The following CYP3A4 variants were observed in gnomAD, a reference collection of about 807,000 sequenced individuals.
The protein encoded by CYP3A4 is cytochrome P450 family 3 subfamily A member 4.
In CYP3A4, 41 loss-of-function variants were observed where a neutral mutation model predicts 54.9. That is an observed-to-expected ratio of 0.75 (90% CI 0.58 to 0.97). The LOEUF (loss-of-function observed/expected upper bound fraction) is 0.97. Ranked by LOEUF, CYP3A4 falls within the 50% of genes least tolerant of loss-of-function variation. The probability of loss-of-function intolerance (pLI) is 0.00; values close to 1 mark genes in which losing one functional copy is unlikely to be tolerated. For missense variants in CYP3A4, 510 were observed against 597.3 expected (o/e 0.85, Z 1.52); for synonymous variants, 179 against 205.2 (o/e 0.87, Z 1.09).
chr7:99,760,457 G>C (rs971162926), intron 12 of CYP3A4, among the ~76,000 whole-genome samples: 4 of 152,274 alleles, frequency 2.6e-5, no homozygotes, highest in African/African-American at 9.6e-5. Flanking sequence ...CCAAGTTCTG[G>C]TTGGGAAGAG....
In CYP3A4 at chr7:99,770,247, A is replaced by T. The variant is rs762660414; in HGVS notation, c.319-12T>A. Reference sequence around the variant, plus strand: ...ACTGGACCAAAAGGCTAGAGTTCAAAGCAGAAACATTTTGTCCTACATCAG... The same window carrying T: ...ACTGGACCAAAAGGCTAGAGTTCAATGCAGAAACATTTTGTCCTACATCAG... On this transcript the variant is annotated splice_polypyrimidine_tract_variant and intron_variant, in intron 4 of 12. Transcript: ENST00000651514. 1.8e-5 allele frequency: 28 copies of T among 1,599,554 alleles called. No individual in the cohort carries two copies. Among genetic ancestry groups the T allele is most frequent in the Non-Finnish European group, 2.3e-5 (27 of 1,167,102 alleles).
chr7:99,766,353 A>G (rs1461247279), intron 9 of CYP3A4, 24 bp downstream of exon 9: 2 of 1,611,708 alleles, frequency 1.2e-6, no homozygotes, highest in Admixed American at 1.7e-5. Flanking sequence ...CCCCACAAGT[A>G]GCCCTCAGAA....
Position 99,778,056 on chromosome 7 carries a change from A to T in CYP3A4, c.190T>A (p.Cys64Ser), listed in dbSNP as rs912646349. The T allele has an allele frequency of 3.7e-6, 6 of 1,612,852 alleles. No homozygotes were observed. The highest frequency in any genetic ancestry group is 5.1e-6 in the Non-Finnish European group (6 of 1,179,280). Residue 64 changes from cysteine (C) to serine (S), a missense_variant, in exon 3 of 13, where the codon TGT (cysteine) becomes AGT (serine). Physicochemically the swap from Cys to Ser is moderately radical, Grantham distance 112. This residue lies in a region of CYP3A4 where 272 missense variants were observed against 274.9 expected (regional missense o/e 0.99). Coordinates refer to ENST00000651514, the MANE Select transcript of CYP3A4 (RefSeq NM_017460.6). ...CACACTTTTCCATACTTTTTATGAC[A>T]TTCCATGTCAAACATACAAAAGCCC... ...HKGFCMFDME[C>S]HKKYGKVWGF...
chr7:99,766,585 G>A, intron 8 of CYP3A4, 142 bp from the exon 9 acceptor site: 2 of 988,362 alleles, frequency 2.0e-6, no homozygotes. Context: ...TGAATCACCA[G>A]TGAAAAACAT....
chr7:99,769,910 G>A, intron 5 of CYP3A4, 54 bp from the exon 6 acceptor site: 1 of 1,612,414 alleles, frequency 6.2e-7, no homozygotes. Flanking sequence ...TCTAGTCCCA[G>A]AAGGACATGG....
intron 10 of CYP3A4, 118 bp downstream of exon 10, chr7:99,763,737 G>C (rs1435695234): frequency 2.3e-6 from 3 of 1,330,286 alleles, no homozygotes; most frequent in Admixed American, 2.4e-5. Context: ...TTCCTACATA[G>C]AGTCAGTGAA....
chr7:99,776,520 CA>C (rs948259317), intron 3 of CYP3A4, among the ~76,000 whole-genome samples: 9 of 152,188 alleles, frequency 5.9e-5, no homozygotes, highest in Non-Finnish European at 1.0e-4. Context: ...CATAAAAAAA[CA>C]ATGAGTTCAT....
At position 99,778,085 on chromosome 7, in the gene CYP3A4, G is replaced by A. The variant is rs1333632870; in HGVS notation, c.166-5C>T. ...CATGTCAAACATACAAAAGCCCTGG[G>A]AGGAGAAACAAAATAATATTTGATT... On this transcript the variant is annotated splice_polypyrimidine_tract_variant and splice_region_variant and intron_variant, in intron 2 of 12. Transcript: ENST00000651514. 1.2e-6 allele frequency: 2 copies of A among 1,608,836 alleles called. No individual in the cohort carries two copies. The highest frequency in any genetic ancestry group is 1.7e-6 in the Non-Finnish European group (2 of 1,175,650).
Position 99,763,937 on chromosome 7 carries a change from G to A in CYP3A4, c.944C>T (p.Ser315Phe), listed in dbSNP as rs770129614. ...AGTGGCCAGTTCATACATAATGAAG[G>A]AGAGAACACTGCTCGTGGTTTCATA... ...AGYETTSSVL[S>F]FIMYELATHP... is the part of the protein sequence containing the mutation. The change falls in exon 10 of 13, where the codon TCC becomes TTC. Residue 315 changes from serine to phenylalanine, a missense_variant. Around this residue, in one of 2 missense-constraint regions of CYP3A4, gnomAD observed 238 missense variants for 322.5 expected, o/e 0.74. Transcript: ENST00000651514. The A allele has an allele frequency of 8.7e-6, 14 of 1,614,018 alleles. No homozygotes were observed. The highest frequency in any genetic ancestry group is 1.0e-5 in the Non-Finnish European group (12 of 1,179,970).
At chr7:99,779,725 C>T (rs1815866714) in intron 2 of CYP3A4, among the ~76,000 whole-genome samples, 1 of 152,166 alleles carries the variant, frequency 6.6e-6, no homozygotes, top group Admixed American at 6.5e-5. Context: ...CTTTATGGCG[C>T]TCACAAAGTT....
At chr7:99,770,363 T>G in intron 4 of CYP3A4, 128 bp from the exon 5 acceptor site, 29 of 779,778 alleles carry the variant, frequency 3.7e-5, no homozygotes, top group Non-Finnish European at 4.5e-5. Context: ...TGATGGGCCC[T>G]ATGCTAGATG....
chr7:99,772,449 T>C, intron 4 of CYP3A4, 141 bp downstream of exon 4: 1 of 954,812 alleles, frequency 1.0e-6, no homozygotes, highest in Non-Finnish European at 1.6e-6. Context: ...GATTGCAAGA[T>C]GTTACCATTC....
chr7:99,775,361 C>T (rs1207082672), intron 3 of CYP3A4, among the ~76,000 whole-genome samples: 1 of 151,916 alleles, frequency 6.6e-6, no homozygotes, highest in Non-Finnish European at 1.5e-5. Flanking sequence ...CATATGGAAC[C>T]AAAAAAGAGC....
At position 99,781,926 on chromosome 7, in the gene CYP3A4, G is replaced by C. The variant is rs182639078; in HGVS notation, c.72-1841C>G. Among the ~76,000 whole-genome samples the C allele has an allele frequency of 2.1e-3, 325 of 152,368 alleles. 1 individual carries two copies. Among genetic ancestry groups the C allele is most frequent in the South Asian group, 4.3e-3 (21 of 4,828 alleles). On this transcript the variant is annotated intron_variant, in intron 1 of 12. Coordinates refer to ENST00000651514, the MANE Select transcript of CYP3A4 (RefSeq NM_017460.6). The stretch of plus-strand genomic sequence containing the variant: ...AATATTCTGTACAAATCCGGTGACT[G>C]TGATAATATGTGGTAAAATACAACT...
chr7:99,778,515 G>A (rs557231204), intron 2 of CYP3A4, among the ~76,000 whole-genome samples: 2 of 152,142 alleles, frequency 1.3e-5, no homozygotes, highest in East Asian at 3.8e-4. Context: ...TATTTCATGA[G>A]CTCGCTCTAG....
rs748422560 is a variant in CYP3A4 at position 99,770,234 on chromosome 7, G to A, written c.320C>T (p.Pro107Leu). ...ECYSVFTNRR[P>L]FGPVGFMKSA... ...TTTCATAAATCCCACTGGACCAAAA[G>A]GCTAGAGTTCAAAGCAGAAACATTT... The change falls in exon 5 of 13, where the codon CCT becomes CTT. Residue 107 changes from proline to leucine, a missense_variant and splice_region_variant. Physicochemically the swap from Pro to Leu is moderately conservative, Grantham distance 98. This residue lies in a region of CYP3A4 where 272 missense variants were observed against 274.9 expected (regional missense o/e 0.99). Transcript: ENST00000651514. 2 of 1,609,692 alleles carry A rather than the reference G, an allele frequency of 1.2e-6. No homozygotes were observed. Among genetic ancestry groups the A allele is most frequent in the East Asian group, 2.2e-5 (1 of 44,814 alleles).
Position 99,772,633 on chromosome 7 carries a change from GT to G in CYP3A4, c.274del (p.Thr92GlnfsTer3). Reference protein sequence around the residue: ...LAITDPDMIKTVLVKECYSVF... With the variant: ...LAITDPDMIKXVLVKECYSVF... Reference sequence around the variant, plus strand: ...AGAATAACATTCTTTCACTAGCACTGTTTTGATCATGTCAGGATCTGTGATA... The same window carrying G: ...AGAATAACATTCTTTCACTAGCACTGTTTGATCATGTCAGGATCTGTGATA... On this transcript the variant is annotated frameshift_variant, in exon 4 of 13. Transcript: ENST00000651514. LOFTEE classifies it high-confidence loss of function. The G allele has an allele frequency of 6.2e-7, 1 of 1,613,364 alleles. No individual in the cohort carries two copies.
At chr7:99,780,141 G>A in intron 1 of CYP3A4, 56 bp from the exon 2 acceptor site, 1 of 1,546,378 alleles carries the variant, frequency 6.5e-7, no homozygotes, top group South Asian at 1.1e-5. Flanking sequence ...AGATATAGGG[G>A]TTGATGAGTC....
At chr7:99,761,048 G>A in intron 11 of CYP3A4, 67 bp from the exon 12 acceptor site, 9 of 1,554,708 alleles carry the variant, frequency 5.8e-6, no homozygotes, top group East Asian at 2.3e-5. Flanking sequence ...ACATGTTAGG[G>A]TTTCTTACTT....
Sources: gnomAD v4.1 joint callset for allele counts (sites outside exome capture counted in the v4.1 genomes callset) on GRCh38, gnomAD v4.1.1 for gene constraint, gnomAD v4.1.1 regional missense constraint, MANE v1.5 for transcripts, NCBI Gene and HGNC (gene_info 2026-07-23, HGNC 2026-07-21) for gene names.